The following RARB variants were observed in gnomAD, a reference collection of about 807,000 sequenced individuals.
RARB encodes retinoic acid receptor beta, also known as HBV-activated protein.
A neutral mutation model predicts 51.9 loss-of-function variants in RARB; 17 were observed. That is an observed-to-expected ratio of 0.33 (90% CI 0.22 to 0.49). The LOEUF is 0.49. Ranked by LOEUF, RARB falls within the 20% of genes least tolerant of loss-of-function variation. The probability of loss-of-function intolerance (pLI) is 0.99; values close to 1 mark genes in which losing one functional copy is unlikely to be tolerated. For synonymous variants in RARB, 215 were observed against 195.4 expected (o/e 1.10, Z -0.84); for missense variants, 369 against 550.8 (o/e 0.67, Z 3.30).
At chr3:25,184,903 A>G (rs1273763295) in intron 5 of RARB, among the ~76,000 whole-genome samples, 1 of 152,116 alleles carries the variant, frequency 6.6e-6, no homozygotes, top group Non-Finnish European at 1.5e-5. Flanking sequence ...AAAAAAAGAA[A>G]GAAAAAAAAA....
intron 5 of RARB, among the ~76,000 whole-genome samples, chr3:25,176,358 C>T (rs2574990): frequency 0.32 from 17,381 of 53,690 alleles, 1,766 homozygotes; most frequent in African/African-American, 0.37. Context: ...TCCTTCCTTC[C>T]TTCCTTCCTT....
At chr3:25,249,102 C>T (rs1245463120) in intron 5 of RARB, among the ~76,000 whole-genome samples, 1 of 152,054 alleles carries the variant, frequency 6.6e-6, no homozygotes, top group African/African-American at 2.4e-5. Context: ...GCATCCTATA[C>T]ATTATGTGGG....
intron 2 of RARB, among the ~76,000 whole-genome samples, chr3:24,996,516 T>G (rs1179346819): frequency 6.6e-6 from 1 of 152,104 alleles, no homozygotes; most frequent in Non-Finnish European, 1.5e-5. Flanking sequence ...TATCCTTGCT[T>G]TTCTACTTCC....
intron 5 of RARB, among the ~76,000 whole-genome samples, chr3:25,307,033 T>C (rs532382477): frequency 1.3e-5 from 2 of 152,294 alleles, no homozygotes; most frequent in East Asian, 3.9e-4. Flanking sequence ...TGTCTGGTCT[T>C]ACTGTAGTCT....
intron 5 of RARB, among the ~76,000 whole-genome samples, chr3:25,411,321 A>G (rs1285964980): frequency 2.6e-5 from 4 of 152,162 alleles, no homozygotes; most frequent in Admixed American, 2.6e-4. Context: ...TTGGTGAATC[A>G]GTGATTTTAT....
At chr3:25,361,248 C>A (rs141712247) in intron 5 of RARB, among the ~76,000 whole-genome samples, 18 of 152,246 alleles carry the variant, frequency 1.2e-4, no homozygotes, top group Middle Eastern at 3.4e-3. Context: ...TCTCTGATAT[C>A]CTTTCTTCTG....
At chr3:25,162,527 G>A (rs577799696) in intron 4 of RARB, among the ~76,000 whole-genome samples, 1 of 152,220 alleles carries the variant, frequency 6.6e-6, no homozygotes, top group East Asian at 1.9e-4. Context: ...TCTAATTGCA[G>A]AATATTTTCA....
At chr3:25,096,088 T>G (rs1392972807) in intron 3 of RARB, among the ~76,000 whole-genome samples, 1 of 152,192 alleles carries the variant, frequency 6.6e-6, no homozygotes, top group Non-Finnish European at 1.5e-5. Context: ...ACATTATAAT[T>G]TTAAGTAACT....
intron 3 of RARB, among the ~76,000 whole-genome samples, chr3:25,070,959 A>T (rs943670743): frequency 2.6e-5 from 4 of 152,240 alleles, no homozygotes; most frequent in Non-Finnish European, 5.9e-5. Context: ...ATTCTTCACA[A>T]GCTCTTGCCT....
intron 1 of RARB, among the ~76,000 whole-genome samples, chr3:24,850,321 G>A (rs971638054): frequency 6.6e-6 from 1 of 152,216 alleles, no homozygotes; most frequent in Non-Finnish European, 1.5e-5. Flanking sequence ...GAGCTGAGTA[G>A]TTGTGAGAGA....
In RARB at chr3:25,044,558, T is replaced by C. The variant is rs539310732; in HGVS notation, c.-379-15567T>C. On this transcript the variant is annotated intron_variant, in intron 2 of 11. Coordinates refer to the RARB transcript ENST00000383772. ...ATCAGCCTGGGATTGGTGTTCAAGG[T>C]TCCATGTGCTAGGAGTCGTGGTACA... Among the ~76,000 whole-genome samples the C allele has an allele frequency of 5.3e-5, 8 of 152,330 alleles. No individual in the cohort carries two copies. The East Asian group carries it at 1.5e-3, about 29-fold the overall frequency.
At chr3:24,829,643 C>A (rs1343262633) in intron 1 of RARB, among the ~76,000 whole-genome samples, 1 of 152,240 alleles carries the variant, frequency 6.6e-6, no homozygotes, top group Admixed American at 6.5e-5. Context: ...GACAACTTTG[C>A]GCAGCAGTCC....
chr3:25,068,468 G>T (rs952218030), intron 3 of RARB, among the ~76,000 whole-genome samples: 1 of 152,118 alleles, frequency 6.6e-6, no homozygotes, highest in Non-Finnish European at 1.5e-5. Context: ...AAAAAGGGGG[G>T]TAATATTGAG....
At chr3:24,892,264 C>T (rs1412485432) in intron 2 of RARB, among the ~76,000 whole-genome samples, 2 of 150,486 alleles carry the variant, frequency 1.3e-5, no homozygotes, top group South Asian at 2.1e-4. Context: ...CCTCTCTGCT[C>T]GACCTGGTAC....
At chr3:24,866,877 T>C (rs529814326) in intron 2 of RARB, among the ~76,000 whole-genome samples, 84 of 152,114 alleles carry the variant, frequency 5.5e-4, no homozygotes, top group African/African-American at 1.9e-3. Context: ...TTTTCAAGGA[T>C]AGTTTGGCGG....
intron 5 of RARB, among the ~76,000 whole-genome samples, chr3:25,354,916 A>T (rs1317626009): frequency 6.6e-6 from 1 of 150,768 alleles, no homozygotes; most frequent in Non-Finnish European, 1.5e-5. Context: ...TCCATCCAGC[A>T]TAGCATAACA....
chr3:25,498,345 A>G (rs985529606), intron 2 of RARB, among the ~76,000 whole-genome samples: 5 of 152,182 alleles, frequency 3.3e-5, no homozygotes, highest in Admixed American at 6.5e-5. Flanking sequence ...CATAATATCA[A>G]TGAAGGAGGA....
intron 2 of RARB, among the ~76,000 whole-genome samples, chr3:25,479,035 G>A (rs1190879683): frequency 5.9e-5 from 9 of 152,116 alleles, no homozygotes; most frequent in South Asian, 2.1e-4. Flanking sequence ...TTTGGAAGTC[G>A]TCTATGGGCC....
At chr3:25,116,351 CT>C (rs565512160) in intron 3 of RARB, among the ~76,000 whole-genome samples, 25 of 151,300 alleles carry the variant, frequency 1.7e-4, no homozygotes, top group South Asian at 6.3e-4. Flanking sequence ...CCACCCTTCC[CT>C]TTTTTTTTCC....
Sources: allele counts gnomAD v4.1 joint callset (sites outside exome capture counted in the v4.1 genomes callset), GRCh38; gene constraint gnomAD v4.1.1; transcripts MANE v1.5; gene names NCBI Gene and HGNC (gene_info 2026-07-23, HGNC 2026-07-21).